RANBP2: variants seen among roughly 807,000 people sequenced by gnomAD.
RANBP2 encodes the protein E3 SUMO-protein ligase RanBP2.
In RANBP2, 57 loss-of-function variants were observed where a neutral mutation model predicts 303.6. That is an observed-to-expected ratio of 0.19 (90% CI 0.15 to 0.23). RANBP2 has a LOEUF of 0.23. Ranked by LOEUF, RANBP2 falls within the 10% of genes least tolerant of loss-of-function variation. The pLI, the probability that RANBP2 is intolerant of heterozygous loss-of-function variation, is 1.00. For synonymous variants in RANBP2, 1,167 were observed against 1,301.5 expected (o/e 0.90, Z 2.23); for missense variants, 3,138 against 3,780.8 (o/e 0.83, Z 4.46).
chr2:109,212,534 C>T, the RANBP2 span, among the ~76,000 whole-genome samples: 2 of 152,176 alleles, frequency 1.3e-5, no homozygotes, highest in African/African-American at 2.4e-5. Flanking sequence ...TAGCTTTGCC[C>T]AGCTGGCTGG....
the RANBP2 span, among the ~76,000 whole-genome samples, chr2:108,898,664 T>A: frequency 2.6e-5 from 4 of 152,144 alleles, no homozygotes; most frequent in African/African-American, 9.7e-5. Flanking sequence ...AAAGAATTCA[T>A]AATAAAAGTG....
At chr2:109,376,043 G>A in the RANBP2 span, among the ~76,000 whole-genome samples, 88 of 152,370 alleles carry the variant, frequency 5.8e-4, no homozygotes, top group African/African-American at 2.0e-3. Context: ...GCATAGAGAA[G>A]ATAAGAACAC....
At chr2:109,248,643 C>A in the RANBP2 span, among the ~76,000 whole-genome samples, 2 of 152,172 alleles carry the variant, frequency 1.3e-5, no homozygotes, top group East Asian at 3.8e-4. Flanking sequence ...CAAGTGCAAG[C>A]AAATAATTAG....
chr2:109,117,714 C>T, the RANBP2 span, among the ~76,000 whole-genome samples: 1 of 152,230 alleles, frequency 6.6e-6, no homozygotes. Context: ...CAGAAATCAC[C>T]CGTCTTCTGC....
At chr2:109,649,855 T>C in the RANBP2 span, among the ~76,000 whole-genome samples, 3 of 152,230 alleles carry the variant, frequency 2.0e-5, no homozygotes, top group African/African-American at 7.2e-5. Flanking sequence ...AAATTCCCTC[T>C]GATGTGTTTA....
At chr2:109,186,501 G>A in the RANBP2 span, among the ~76,000 whole-genome samples, 1 of 152,362 alleles carries the variant, frequency 6.6e-6, no homozygotes, top group South Asian at 2.1e-4. Context: ...ATGAAAGCAT[G>A]TAGGGCCAGT....
chr2:109,023,391 G>A, the RANBP2 span, among the ~76,000 whole-genome samples: 382 of 152,338 alleles, frequency 2.5e-3, 1 homozygote, highest in African/African-American at 8.9e-3. Flanking sequence ...TATGTTCATT[G>A]TAGAAAATTT....
the RANBP2 span, among the ~76,000 whole-genome samples, chr2:109,102,964 A>T: frequency 1.3e-5 from 2 of 152,238 alleles, no homozygotes. Flanking sequence ...TGAGAGTCTC[A>T]TAAAACACTC....
intron 1 of RANBP2, among the ~76,000 whole-genome samples, chr2:108,724,423 A>G (rs1284653308): frequency 6.6e-6 from 1 of 152,142 alleles, no homozygotes; most frequent in African/African-American, 2.4e-5. Context: ...TACTTAATTT[A>G]GTTGATCATT....
chr2:109,692,105 C>G, the RANBP2 span, among the ~76,000 whole-genome samples: 1 of 152,152 alleles, frequency 6.6e-6, no homozygotes, highest in East Asian at 1.9e-4. Flanking sequence ...CAATTTCTGC[C>G]TATCAAACCC....
the RANBP2 span, among the ~76,000 whole-genome samples, chr2:109,198,800 A>T: frequency 6.6e-6 from 1 of 152,210 alleles, no homozygotes; most frequent in Admixed American, 6.5e-5. Flanking sequence ...AGCCTTTGAC[A>T]TACCTAGGCT....
At chr2:109,139,075 A>G in the RANBP2 span, among the ~76,000 whole-genome samples, 16 of 152,314 alleles carry the variant, frequency 1.1e-4, no homozygotes, top group African/African-American at 3.8e-4. Context: ...TATTTTATTT[A>G]TCAAAATGTA....
the RANBP2 span, among the ~76,000 whole-genome samples, chr2:109,448,560 C>T: frequency 1.1e-4 from 16 of 152,134 alleles, no homozygotes; most frequent in African/African-American, 2.2e-4. Flanking sequence ...CTAGGTTGCA[C>T]GCTCCTTATG....
At chr2:109,242,114 T>A in the RANBP2 span, among the ~76,000 whole-genome samples, 9,338 of 151,994 alleles carry the variant, frequency 0.061, 441 homozygotes, top group East Asian at 0.2. Flanking sequence ...TCTGTTCGCC[T>A]CCTGTTTTCC....
At chr2:108,979,448 G>C in the RANBP2 span, among the ~76,000 whole-genome samples, 31 of 140,314 alleles carry the variant, frequency 2.2e-4, no homozygotes, top group Middle Eastern at 3.6e-3. Flanking sequence ...CTCTCTCTCT[G>C]TCTCTGTCTC....
At chr2:109,614,219 G>A in the RANBP2 span, 3 of 951,614 alleles carry the variant, frequency 3.2e-6, no homozygotes, top group Non-Finnish European at 4.0e-6. Context: ...CGGGCCTTGA[G>A]GCGAGGCCGC....
the RANBP2 span, chr2:109,546,358 T>C: frequency 1.9e-6 from 1 of 535,366 alleles, no homozygotes; most frequent in Non-Finnish European, 3.1e-6. Flanking sequence ...ACAGTCAAAA[T>C]CTTTCTGAAG....
the RANBP2 span, among the ~76,000 whole-genome samples, chr2:109,464,913 T>G: frequency 6.6e-6 from 1 of 152,216 alleles, no homozygotes; most frequent in African/African-American, 2.4e-5. Context: ...GTGTCCAGCA[T>G]TATAGTATCA....
the RANBP2 span, among the ~76,000 whole-genome samples, chr2:109,512,638 G>A: frequency 6.6e-6 from 1 of 152,156 alleles, no homozygotes; most frequent in African/African-American, 2.4e-5. Context: ...GGCTTGCTGG[G>A]CCTCGTGGGA....
Sources: allele counts gnomAD v4.1 joint callset (sites outside exome capture counted in the v4.1 genomes callset), GRCh38; gene constraint gnomAD v4.1.1; transcripts MANE v1.5; gene names NCBI Gene and HGNC (gene_info 2026-07-23, HGNC 2026-07-21).